The following DPP4 variants were observed in gnomAD, a reference collection of about 807,000 sequenced individuals.
DPP4 encodes the protein ADCP-2.
A neutral mutation model predicts 122.4 loss-of-function variants in DPP4; 93 were observed. The ratio of observed to expected loss-of-function variants is 0.76; its 90% CI spans 0.64 to 0.90. The LOEUF is 0.90. Among genes scored for constraint, DPP4 ranks in the 40% least tolerant of loss-of-function variants. The probability of loss-of-function intolerance (pLI) is 0.00; values close to 1 mark genes in which losing one functional copy is unlikely to be tolerated. For missense variants in DPP4, 914 were observed against 907.3 expected, an observed-to-expected ratio of 1.01 and a Z score of -0.09; for synonymous variants, 321 against 302.9, an observed-to-expected ratio of 1.06 and a Z score of -0.62.
intron 20 of DPP4, among the ~76,000 whole-genome samples, chr2:162,011,569 G>A (rs1682708104): frequency 6.6e-6 from 1 of 152,064 alleles, no homozygotes; most frequent in South Asian, 2.1e-4. Context: ...GTCTCATACA[G>A]AGAGGAATTT....
intron 2 of DPP4, among the ~76,000 whole-genome samples, chr2:162,065,912 G>C (rs915624107): frequency 2.6e-5 from 4 of 152,066 alleles, no homozygotes. Flanking sequence ...TATCCCTAGG[G>C]ACCCACAAAG....
chr2:162,073,594 G>C (rs1341386716), intron 1 of DPP4, 108 bp from the exon 2 acceptor site: 6 of 1,051,482 alleles, frequency 5.7e-6, no homozygotes, highest in Non-Finnish European at 8.8e-6. Flanking sequence ...GTGGGAGTGC[G>C]TTAGAAGAGG....
At chr2:162,022,891 T>G (rs1020017260) in intron 11 of DPP4, 92 bp from the exon 12 acceptor site, 12 of 1,234,790 alleles carry the variant, frequency 9.7e-6, no homozygotes, top group East Asian at 2.3e-5. Context: ...AGAGCTGTAC[T>G]TATAATAACT....
chr2:162,022,909 A>C (rs1032841748), intron 11 of DPP4, 110 bp from the exon 12 acceptor site: 14 of 1,021,896 alleles, frequency 1.4e-5, no homozygotes, highest in Non-Finnish European at 2.1e-5. Flanking sequence ...ACTGAGAGCT[A>C]TCTCCATTCA....
Position 162,068,544 on chromosome 2 carries a change from C to A in DPP4, c.94+4855G>T, listed in dbSNP as rs138964496. Among the ~76,000 whole-genome samples the A allele has an allele frequency of 6.8e-4, 104 of 152,294 alleles. No individual in the cohort carries two copies. The East Asian group carries it at 0.018, about 26-fold the overall frequency. Reference sequence around the variant, plus strand: ...CCTCCCACATTGTATCAGGGTTGGTCTGTGTGACCAATAGTACACAGCAGA... The same window carrying A: ...CCTCCCACATTGTATCAGGGTTGGTATGTGTGACCAATAGTACACAGCAGA... On this transcript the variant is annotated intron_variant, in intron 2 of 25. Transcript: ENST00000360534.
In DPP4 at chr2:162,022,850, A is replaced by G. The variant is rs766717721; in HGVS notation, c.1024-51T>C. Reference sequence around the variant, plus strand: ...GCATTTCAAAGAGAAGTCAGATGAAATCTATAGCCATAATTTGTGGTAATA... The same window carrying G: ...GCATTTCAAAGAGAAGTCAGATGAAGTCTATAGCCATAATTTGTGGTAATA... On this transcript the variant is annotated intron_variant, in intron 11 of 25. Transcript: ENST00000360534. 4.4e-5 allele frequency: 69 copies of G among 1,572,810 alleles called. 1 individual carries two copies. The South Asian group carries it at 7.3e-4, about 17-fold the overall frequency.
intron 25 of DPP4, 102 bp downstream of exon 25, chr2:161,994,859 T>G: frequency 8.8e-7 from 1 of 1,136,008 alleles, no homozygotes; most frequent in Non-Finnish European, 1.3e-6. Context: ...TTTAATGTTT[T>G]TATTCTGTCC....
rs1683080813 is a variant in DPP4 at position 162,020,369 on chromosome 2, T to C, written c.1177-73A>G. On this transcript the variant is annotated intron_variant, in intron 13 of 25. Transcript: ENST00000360534. ...GACTCTCTCTGTTCAAAGTGGAGGA[T>C]TAAATCATTTATATCAGGAATTCAA... The C allele has an allele frequency of 5.6e-6, 7 of 1,259,760 alleles. No homozygotes were observed. The South Asian group carries it at 6.8e-5, about 12-fold the overall frequency. The allele number at this position is 1,259,760 out of a possible 1,614,324, so 78.0% of individuals were successfully genotyped here. A position where few individuals can be genotyped will look rare whatever the true frequency, so the allele number is the denominator to read the frequency against.
intron 25 of DPP4, 36 bp downstream of exon 25, chr2:161,994,925 G>C: frequency 4.4e-6 from 7 of 1,589,330 alleles, no homozygotes; most frequent in Non-Finnish European, 6.0e-6. Flanking sequence ...GACCCCACCA[G>C]CAACTTCCCT....
At chr2:162,007,477 C>T (rs891461645) in intron 22 of DPP4, among the ~76,000 whole-genome samples, 4 of 152,032 alleles carry the variant, frequency 2.6e-5, no homozygotes, top group Admixed American at 2.6e-4. Context: ...ACACCATTTA[C>T]GTATTCCTTT....
At chr2:162,019,673 G>A (rs542349139) in intron 14 of DPP4, among the ~76,000 whole-genome samples, 1 of 152,082 alleles carries the variant, frequency 6.6e-6, no homozygotes, top group East Asian at 1.9e-4. Context: ...CCATGTTCCT[G>A]AGAGCAGCAG....
chr2:162,044,964 CTTTT>C (rs370441659), intron 5 of DPP4, among the ~76,000 whole-genome samples: 1 of 142,066 alleles, frequency 7.0e-6, no homozygotes, highest in Admixed American at 7.1e-5. Flanking sequence ...TTCTTTCTTT[CTTTT>C]TTTTTTTTTT....
chr2:162,007,510 G>A (rs1053556178), intron 22 of DPP4, among the ~76,000 whole-genome samples: 2 of 151,946 alleles, frequency 1.3e-5, no homozygotes, highest in African/African-American at 4.8e-5. Flanking sequence ...GAATAAAATT[G>A]TTTAAATTTA....
chr2:162,056,896 T>C (rs1274497910), intron 2 of DPP4, among the ~76,000 whole-genome samples: 1 of 152,226 alleles, frequency 6.6e-6, no homozygotes, highest in Non-Finnish European at 1.5e-5. Flanking sequence ...GTCTTTGAGA[T>C]ATTTTTCAGA....
At chr2:162,009,640 G>T (rs1701372949) in intron 20 of DPP4, among the ~76,000 whole-genome samples, 1 of 151,164 alleles carries the variant, frequency 6.6e-6, no homozygotes, top group Admixed American at 6.6e-5. Context: ...TTACATAATT[G>T]AATTTAAATC....
At chr2:162,068,379 A>T (rs1685015020) in intron 2 of DPP4, among the ~76,000 whole-genome samples, 1 of 152,254 alleles carries the variant, frequency 6.6e-6, no homozygotes, top group African/African-American at 2.4e-5. Flanking sequence ...TCAGCTGTAG[A>T]GTCACATTGC....
In DPP4 at chr2:161,995,367, T is replaced by TG; in HGVS notation, c.2057dup (p.Thr687AsnfsTer7). 1 of 1,613,364 alleles carries TG rather than the reference T, an allele frequency of 6.2e-7. No homozygotes were observed. The highest frequency in any genetic ancestry group is 8.5e-7 in the Non-Finnish European group (1 of 1,179,328). On this transcript the variant is annotated frameshift_variant, in exon 24 of 26. Transcript: ENST00000360534. LOFTEE classifies it high-confidence loss of function. The stretch of plus-strand genomic sequence containing the variant: ...AATTTTCAGCTCTGCTCATGACTGT[T>TG]GAATTCTGGAATTGGGAGAAAGAAT...
chr2:162,056,876 C>A (rs986635827), intron 2 of DPP4, among the ~76,000 whole-genome samples: 2 of 152,170 alleles, frequency 1.3e-5, no homozygotes, highest in Admixed American at 6.5e-5. Context: ...GTTGTCAAGA[C>A]CTAAGACTGG....
At chr2:162,020,091 G>A (rs1683066741) in intron 14 of DPP4, 138 bp downstream of exon 14, 2 of 707,734 alleles carry the variant, frequency 2.8e-6, no homozygotes, top group Non-Finnish European at 4.7e-6. Flanking sequence ...GCTTCCGTAT[G>A]TTAAAAAGAA....
Sources: gnomAD v4.1 joint callset for allele counts (sites outside exome capture counted in the v4.1 genomes callset) on GRCh38, gnomAD v4.1.1 for gene constraint, MANE v1.5 for transcripts, NCBI Gene and HGNC (gene_info 2026-07-23, HGNC 2026-07-21) for gene names.